Variants in AP1B1 observed in about 807,000 individuals in gnomAD.
AP1B1 encodes the protein adaptor related protein complex 1 subunit beta 1, also known as AP-1 complex subunit beta-1.
Under a neutral mutation model 104.3 loss-of-function variants are expected in AP1B1, and 36 were observed. The ratio of observed to expected loss-of-function variants is 0.35; its 90% CI spans 0.26 to 0.46. The LOEUF (loss-of-function observed/expected upper bound fraction) is 0.46. AP1B1 is among the 20% of genes least tolerant of loss of function. The pLI, the probability that AP1B1 is intolerant of heterozygous loss-of-function variation, is 1.00. For synonymous variants in AP1B1, 504 were observed against 517.5 expected, an observed-to-expected ratio of 0.97 and a Z score of 0.35; for missense variants, 901 against 1,247.9, an observed-to-expected ratio of 0.72 and a Z score of 4.19.
intron 19 of AP1B1, 25 bp from the exon 20 acceptor site, chr22:29,330,734 GA>G: frequency 6.3e-7 from 1 of 1,595,164 alleles, no homozygotes; most frequent in Non-Finnish European, 8.5e-7. Flanking sequence ...GGGTGGGGAT[GA>G]GAGGCGAGCC....
chr22:29,386,469 G>A (rs1001466787), intron 1 of AP1B1, among the ~76,000 whole-genome samples: 1 of 152,204 alleles, frequency 6.6e-6, no homozygotes, highest in Non-Finnish European at 1.5e-5. Flanking sequence ...GTTTCTAAGA[G>A]GTCAGAGGAG....
In AP1B1 at chr22:29,350,940, T is replaced by A. The variant is rs146388185; in HGVS notation, c.1155+231A>T. On this transcript the variant is annotated intron_variant, in intron 9 of 22. Transcript: ENST00000357586. ...CTTAACAAATGCTGCAGGAGAACCATGATTATGATGGGTTAATTTGATCGG... is the reference window on the plus strand; with the variant it reads ...CTTAACAAATGCTGCAGGAGAACCAAGATTATGATGGGTTAATTTGATCGG... Among the ~76,000 whole-genome samples, 15 of 152,250 alleles carry A rather than the reference T, an allele frequency of 9.9e-5. No individual in the cohort carries two copies. The South Asian group carries it at 1.0e-3, about 11-fold the overall frequency.
intron 7 of AP1B1, among the ~76,000 whole-genome samples, chr22:29,354,257 T>C (rs780067889): frequency 1.3e-5 from 2 of 152,124 alleles, no homozygotes; most frequent in South Asian, 2.1e-4. Flanking sequence ...ATGAAGACAA[T>C]ATCTAGTTTA....
chr22:29,373,388 T>C (rs1041046223), intron 1 of AP1B1, among the ~76,000 whole-genome samples: 5 of 152,120 alleles, frequency 3.3e-5, no homozygotes, highest in African/African-American at 1.2e-4. Flanking sequence ...CAAGAAAAAA[T>C]GTAAACATCA....
chr22:29,334,995 C>T (rs1429276351), intron 16 of AP1B1, among the ~76,000 whole-genome samples: 1 of 152,218 alleles, frequency 6.6e-6, no homozygotes, highest in Admixed American at 6.5e-5. Flanking sequence ...GCTCAAGAAC[C>T]ACCTCCTCCT....
At position 29,334,380 on chromosome 22, in the gene AP1B1, G is replaced by A. The variant is rs1325210268; in HGVS notation, c.2194C>T (p.Leu732=). The A allele has an allele frequency of 6.2e-7, 1 of 1,608,350 alleles. No homozygotes were observed. Among genetic ancestry groups the A allele is most frequent in the East Asian group, 2.3e-5 (1 of 44,312 alleles). Residue 732 remains leucine (L), a synonymous_variant, in exon 17 of 23, where the codon CTG becomes TTG. Coordinates refer to ENST00000357586, the MANE Select transcript of AP1B1 (RefSeq NM_001127.4). ...CGGGTGAAGGTGCCTGAGATCTCCA[G>A]CCCCTTAGCCTTCATGGCTGGGAGC... ...VWLPAMKAKG[L]EISGTFTRQV...
intron 18 of AP1B1, 41 bp from the exon 19 acceptor site, chr22:29,331,574 C>G (rs745918605): frequency 1.2e-6 from 2 of 1,608,876 alleles, no homozygotes; most frequent in South Asian, 2.2e-5. Flanking sequence ...TGGGGCTTGA[C>G]GCCACCTCTG....
At chr22:29,370,800 C>T (rs1182379148) in intron 1 of AP1B1, 4 of 152,134 alleles carry the variant, frequency 2.6e-5, no homozygotes, top group African/African-American at 9.7e-5. Flanking sequence ...GCAGATACCC[C>T]AACAGCGCTG....
At chr22:29,344,611 G>A (rs1183993031) in intron 11 of AP1B1, among the ~76,000 whole-genome samples, 2 of 130,560 alleles carry the variant, frequency 1.5e-5, no homozygotes, top group Admixed American at 9.4e-5. Flanking sequence ...TGCAACCTCC[G>A]CCTCCTGGGT....
At chr22:29,376,940 C>T (rs1415903888) in intron 1 of AP1B1, among the ~76,000 whole-genome samples, 1 of 152,082 alleles carries the variant, frequency 6.6e-6, no homozygotes, top group African/African-American at 2.4e-5. Flanking sequence ...CTCATGCCCA[C>T]AATCCAGCAC....
At chr22:29,387,785 T>A (rs1311461936) in intron 1 of AP1B1, among the ~76,000 whole-genome samples, 1 of 152,230 alleles carries the variant, frequency 6.6e-6, no homozygotes, top group Non-Finnish European at 1.5e-5. Flanking sequence ...AATAGGGATA[T>A]TTAATCCCCA....
chr22:29,336,757 T>G (rs1382780729), intron 16 of AP1B1, among the ~76,000 whole-genome samples: 1 of 147,252 alleles, frequency 6.8e-6, no homozygotes, highest in Non-Finnish European at 1.5e-5. Flanking sequence ...TGAGCTGAGA[T>G]CGCACCATTG....
chr22:29,336,619 T>G (rs1315027474), intron 16 of AP1B1, among the ~76,000 whole-genome samples: 1 of 149,662 alleles, frequency 6.7e-6, no homozygotes, highest in East Asian at 1.9e-4. Context: ...CTGGCCAACA[T>G]AGTGAAATCC....
chr22:29,335,013 T>C (rs563215663), intron 16 of AP1B1, among the ~76,000 whole-genome samples: 7 of 152,338 alleles, frequency 4.6e-5, no homozygotes, highest in African/African-American at 1.7e-4. Flanking sequence ...CCTGGAACCC[T>C]GCCCCCAGGT....
intron 9 of AP1B1, 72 bp downstream of exon 9, chr22:29,351,099 T>C (rs1602730315): frequency 6.9e-7 from 1 of 1,440,022 alleles, no homozygotes; most frequent in East Asian, 2.3e-5. Context: ...AGATTCTGCT[T>C]GAATCAGACT....
At chr22:29,343,508 G>T (rs2061744442) in intron 11 of AP1B1, among the ~76,000 whole-genome samples, 1 of 152,258 alleles carries the variant, frequency 6.6e-6, no homozygotes, top group Non-Finnish European at 1.5e-5. Context: ...CTGTTTCCAA[G>T]GCAGGAGGCA....
At chr22:29,364,928 C>T (rs773500762) in intron 2 of AP1B1, among the ~76,000 whole-genome samples, 7 of 151,566 alleles carry the variant, frequency 4.6e-5, no homozygotes, top group Non-Finnish European at 7.4e-5. Context: ...CGGCTGGTCT[C>T]AAACTCCTGA....
chr22:29,387,586 G>A (rs1014540904), intron 1 of AP1B1, among the ~76,000 whole-genome samples: 1 of 152,178 alleles, frequency 6.6e-6, no homozygotes, highest in Non-Finnish European at 1.5e-5. Context: ...GATTACAGGC[G>A]TGAGCCACCA....
At chr22:29,363,644 T>C (rs2062086245) in intron 2 of AP1B1, among the ~76,000 whole-genome samples, 1 of 149,166 alleles carries the variant, frequency 6.7e-6, no homozygotes, top group Non-Finnish European at 1.5e-5. Context: ...CAAGACTCCA[T>C]CTCAAAAAAA....
Sources: gnomAD v4.1 joint callset for allele counts (sites outside exome capture counted in the v4.1 genomes callset) on GRCh38, gnomAD v4.1.1 for gene constraint, MANE v1.5 for transcripts, NCBI Gene and HGNC (gene_info 2026-07-23, HGNC 2026-07-21) for gene names.